SLC16A2: variants seen among roughly 807,000 people sequenced by gnomAD.
SLC16A2 encodes solute carrier family 16 member 2, also known as monocarboxylate transporter 8.
SLC16A2 carries 3 observed loss-of-function variants against 27.2 expected under a neutral mutation model. That is an observed-to-expected ratio of 0.11 (90% CI 0.05 to 0.28). The LOEUF (loss-of-function observed/expected upper bound fraction) is 0.28. Among genes scored for constraint, SLC16A2 ranks in the 10% least tolerant of loss-of-function variants. SLC16A2 has a pLI of 1.00. For missense variants in SLC16A2, 295 were observed against 458.5 expected, an observed-to-expected ratio of 0.64 and a Z score of 3.26; for synonymous variants, 202 against 187.8, an observed-to-expected ratio of 1.08 and a Z score of -0.62.
At chrX:74,526,128 C>T (rs911262008) in intron 4 of SLC16A2, among the ~76,000 whole-genome samples, 2 of 112,067 alleles carry the variant, frequency 1.8e-5, no homozygotes, top group East Asian at 2.8e-4. Context: ...TATTAGAACA[C>T]GTGTAAAGGA....
chrX:74,482,745 T>C (rs887508336), intron 1 of SLC16A2, among the ~76,000 whole-genome samples: 1 of 110,736 alleles, frequency 9.0e-6, no homozygotes. Context: ...TCACCCAGGG[T>C]GGAGTGCAGT....
intron 1 of SLC16A2, 45 bp from the exon 2 acceptor site, chrX:74,520,945 G>A (rs1408685080): frequency 8.3e-7 from 1 of 1,201,310 alleles, no homozygotes; most frequent in Non-Finnish European, 1.1e-6. Flanking sequence ...GTACCACCAG[G>A]CACTACACTA....
At chrX:74,465,030 G>A (rs192480462) in intron 1 of SLC16A2, among the ~76,000 whole-genome samples, 58 of 111,903 alleles carry the variant, frequency 5.2e-4, no homozygotes, top group Admixed American at 1.8e-3. Flanking sequence ...CCAGTACTAG[G>A]CCAGCCTATG....
chrX:74,484,643 G>A (rs1466513818), intron 1 of SLC16A2, among the ~76,000 whole-genome samples: 1 of 112,181 alleles, frequency 8.9e-6, no homozygotes, highest in East Asian at 2.8e-4. Context: ...TGGCTGAGGA[G>A]GAAGTCCATT....
At chrX:74,522,246 T>C (rs1930418891) in intron 2 of SLC16A2, among the ~76,000 whole-genome samples, 1 of 111,864 alleles carries the variant, frequency 8.9e-6, no homozygotes, top group African/African-American at 3.3e-5. Flanking sequence ...CCACTCACAG[T>C]AGAGAATGAT....
At chrX:74,495,586 T>C (rs1243598748) in intron 1 of SLC16A2, among the ~76,000 whole-genome samples, 4 of 108,636 alleles carry the variant, frequency 3.7e-5, no homozygotes, top group Non-Finnish European at 5.8e-5. Context: ...TCTGTGACCC[T>C]GGGCAGGGAC....
At chrX:74,427,799 G>A (rs971335429) in intron 1 of SLC16A2, among the ~76,000 whole-genome samples, 2 of 81,481 alleles carry the variant, frequency 2.5e-5, no homozygotes, top group Non-Finnish European at 4.7e-5. Flanking sequence ...ATGCGCACGC[G>A]TGCACGCGCG....
intron 5 of SLC16A2, among the ~76,000 whole-genome samples, chrX:74,530,338 G>C (rs1205164834): frequency 2.7e-5 from 3 of 111,173 alleles, no homozygotes; most frequent in Non-Finnish European, 5.7e-5. Flanking sequence ...CTGACTTCGT[G>C]ATCCACCTGC....
intron 3 of SLC16A2, 88 bp downstream of exon 3, chrX:74,524,897 CA>C: frequency 1.2e-6 from 1 of 820,184 alleles, no homozygotes; most frequent in Non-Finnish European, 1.8e-6. Context: ...GGGTGGGAGA[CA>C]TTGAAAGGGC....
chrX:74,460,132 A>G (rs1304464445), intron 1 of SLC16A2, among the ~76,000 whole-genome samples: 1 of 112,141 alleles, frequency 8.9e-6, no homozygotes, highest in Non-Finnish European at 1.9e-5. Flanking sequence ...GGCACCCATG[A>G]GAATGTTCCT....
chrX:74,464,676 A>T lies in SLC16A2; in HGVS notation c.430+42609A>T, dbSNP rs1250444331. ...TAGAGTCTTCACCCAGCTAGGGGAG[A>T]CTGGAAGTCCATAAGTGGGCAAGAG... On this transcript the variant is annotated intron_variant, in intron 1 of 5. Transcript: ENST00000587091. Among the ~76,000 whole-genome samples the T allele has an allele frequency of 2.7e-5, 3 of 111,556 alleles. No individual in the cohort carries two copies. In the East Asian group the frequency reaches 8.4e-4, roughly 31 times the overall value.
At chrX:74,422,798 C>A (rs1056353609) in intron 1 of SLC16A2, among the ~76,000 whole-genome samples, 1 of 112,595 alleles carries the variant, frequency 8.9e-6, no homozygotes, top group Non-Finnish European at 1.9e-5. Context: ...AGGCGGTCTC[C>A]GCAGTCTCCT....
intron 1 of SLC16A2, among the ~76,000 whole-genome samples, chrX:74,510,661 G>A (rs1272150013): frequency 1.8e-5 from 2 of 111,859 alleles, no homozygotes; most frequent in East Asian, 2.8e-4. Flanking sequence ...AAAACTGAAA[G>A]TAAATAAACA....
rs750153602 is a variant in SLC16A2, at chrX:74,533,609, G to GCAGT, written c.*2058_*2061dup. The GCAGT allele has an allele frequency of 1.7e-4, 19 of 112,663 alleles. No individual in the cohort carries two copies. Among genetic ancestry groups the GCAGT allele is most frequent in the African/African-American group, 5.8e-4 (18 of 30,939 alleles). The allele number at this position is 112,663 out of a possible 1,213,427, so 9.3% of individuals were successfully genotyped here. The stretch of plus-strand genomic sequence containing the variant: ...GATGCAGATGGCTCTTAAGAATCAG[G>GCAGT]CAGTCGCCCACTTCTCTCCAGATGA... On this transcript the variant is annotated 3_prime_UTR_variant, in exon 6 of 6. Coordinates refer to ENST00000587091, the MANE Select transcript of SLC16A2 (RefSeq NM_006517.5).
chrX:74,442,228 CA>C (rs1278847714), intron 1 of SLC16A2, among the ~76,000 whole-genome samples: 8,497 of 38,204 alleles, frequency 0.22, 287 homozygotes, highest in South Asian at 0.34. Flanking sequence ...AACTCCGTCT[CA>C]AAAAAAAAAA....
intron 1 of SLC16A2, among the ~76,000 whole-genome samples, chrX:74,463,853 A>G (rs1929200892): frequency 8.9e-6 from 1 of 112,390 alleles, no homozygotes; most frequent in South Asian, 3.7e-4. Flanking sequence ...ACAAATGTGT[A>G]CATTCATGAA....
At chrX:74,470,056 T>C (rs745457800) in intron 1 of SLC16A2, among the ~76,000 whole-genome samples, 11 of 111,863 alleles carry the variant, frequency 9.8e-5, no homozygotes, top group Non-Finnish European at 1.9e-4. Context: ...TATCATCTGA[T>C]TGGAATCACA....
At chrX:74,439,751 G>T (rs1455392232) in intron 1 of SLC16A2, among the ~76,000 whole-genome samples, 2 of 109,676 alleles carry the variant, frequency 1.8e-5, no homozygotes, top group African/African-American at 6.7e-5. Context: ...AGGTCCTGGG[G>T]TCATTAGAGC....
At chrX:74,511,337 G>A (rs1318723135) in intron 1 of SLC16A2, among the ~76,000 whole-genome samples, 12 of 110,366 alleles carry the variant, frequency 1.1e-4, no homozygotes, top group Admixed American at 9.6e-4. Context: ...ACCCGCCACC[G>A]TGCCCGGCTA....
Sources: allele counts gnomAD v4.1 joint callset (sites outside exome capture counted in the v4.1 genomes callset), GRCh38; gene constraint gnomAD v4.1.1; transcripts MANE v1.5; gene names NCBI Gene and HGNC (gene_info 2026-07-23, HGNC 2026-07-21).